SLC25A53: variants seen among roughly 807,000 people sequenced by gnomAD.
The protein encoded by SLC25A53 is solute carrier family 25 member 53, also known as mitochondrial carrier triple repeat protein 6.
SLC25A53 carries 5 observed loss-of-function variants against 15.0 expected under a neutral mutation model. That is an observed-to-expected ratio of 0.33 (90% CI 0.17 to 0.70). SLC25A53 has a LOEUF of 0.70. SLC25A53 is among the 30% of genes least tolerant of loss of function. The pLI, the probability that SLC25A53 is intolerant of heterozygous loss-of-function variation, is 0.67. For missense variants in SLC25A53, 216 were observed against 241.6 expected, an observed-to-expected ratio of 0.89 and a Z score of 0.70; for synonymous variants, 95 against 100.0, an observed-to-expected ratio of 0.95 and a Z score of 0.30.
chrX:104,121,347 C>T (rs2075392224), intron 1 of SLC25A53, among the ~76,000 whole-genome samples: 1 of 112,119 alleles, frequency 8.9e-6, no homozygotes, highest in African/African-American at 3.2e-5. Context: ...ACCTTGTTTC[C>T]TTGTTTCACT....
chrX:104,126,487 C>G (rs1470376014), intron 1 of SLC25A53, among the ~76,000 whole-genome samples: 3 of 110,090 alleles, frequency 2.7e-5, no homozygotes, highest in African/African-American at 9.9e-5. Context: ...GACCCCATCT[C>G]TAAAAAAAAT....
Position 104,104,312 on chromosome X carries a change from T to G in SLC25A53, c.*22A>C. ...CAGGGAAGATTTAGAATAACAAAGCTGCCATGCCACACTTTCTGCAGCTAG... is the reference window on the plus strand; with the variant it reads ...CAGGGAAGATTTAGAATAACAAAGCGGCCATGCCACACTTTCTGCAGCTAG... On this transcript the variant is annotated 3_prime_UTR_variant, in exon 2 of 2. Coordinates refer to ENST00000594199, the MANE Select transcript of SLC25A53 (RefSeq NM_001012755.5). The G allele has an allele frequency of 8.4e-7, 1 of 1,194,318 alleles. No individual in the cohort carries two copies. The highest frequency in any genetic ancestry group is 1.1e-6 in the Non-Finnish European group (1 of 883,363).
chrX:104,142,341 G>C (rs1249368232), intron 1 of SLC25A53, among the ~76,000 whole-genome samples: 1 of 112,201 alleles, frequency 8.9e-6, no homozygotes, highest in East Asian at 2.8e-4. Context: ...ATGAGACAGA[G>C]ATGAGCAAAT....
Position 104,112,592 on chromosome X carries a change from G to C in SLC25A53, c.-31-7304C>G, listed in dbSNP as rs1268116600. On this transcript the variant is annotated intron_variant, in intron 1 of 1. Transcript: ENST00000594199. The stretch of plus-strand genomic sequence containing the variant: ...CCCGGAGGGCCGAACTGGAGGGTGG[G>C]CGCAGCCTTGGCTGCCTTGGGAACC... 6 of 113,796 alleles carry C rather than the reference G, an allele frequency of 5.3e-5. No individual in the cohort carries two copies. The Admixed American group carries it at 5.5e-4, about 10-fold the overall frequency. 9.4% of individuals were successfully genotyped at this position (113,796 alleles called of 1,213,427 possible).
At position 104,105,672 on chromosome X, in the gene SLC25A53, A is replaced by T. The variant is rs186382659; in HGVS notation, c.-31-384T>A. Among the ~76,000 whole-genome samples, 485 of 112,666 alleles carry T rather than the reference A, an allele frequency of 4.3e-3. 4 individuals are homozygous for T. The highest frequency in any genetic ancestry group is 0.012 in the African/African-American group (372 of 31,001). ...TGAATAATACATTGCTATTCTGTTTAAAAAAATCTGGCACTATCTTGTAGA... is the reference window on the plus strand; with the variant it reads ...TGAATAATACATTGCTATTCTGTTTTAAAAAATCTGGCACTATCTTGTAGA... On this transcript the variant is annotated intron_variant, in intron 1 of 1. Coordinates refer to ENST00000594199, the MANE Select transcript of SLC25A53 (RefSeq NM_001012755.5).
At chrX:104,146,255 G>C (rs782353956) in intron 1 of SLC25A53, among the ~76,000 whole-genome samples, 3 of 111,714 alleles carry the variant, frequency 2.7e-5, no homozygotes, top group Non-Finnish European at 3.8e-5. Flanking sequence ...AAATTCAACA[G>C]CCCTTCATGC....
chrX:104,138,146 C>G (rs1173449530), intron 1 of SLC25A53, among the ~76,000 whole-genome samples: 1 of 111,737 alleles, frequency 8.9e-6, no homozygotes, highest in Non-Finnish European at 1.9e-5. Context: ...TAGTGGTTCA[C>G]GCCTGTAATC....
intron 1 of SLC25A53, among the ~76,000 whole-genome samples, chrX:104,140,853 C>T (rs926503612): frequency 9.0e-6 from 1 of 111,610 alleles, no homozygotes; most frequent in Non-Finnish European, 1.9e-5. Flanking sequence ...TTTTAGAGTC[C>T]TGAAGAGACA....
At chrX:104,112,396 C>T (rs1397575862) in intron 1 of SLC25A53, 85 of 114,156 alleles carry the variant, frequency 7.4e-4, no homozygotes, top group African/African-American at 2.6e-3. Context: ...GCCGCAGCCC[C>T]CGCCCGCCGG....
At chrX:104,155,880 CTAAAAATA>C (rs1214702366) in intron 1 of SLC25A53, among the ~76,000 whole-genome samples, 5 of 109,709 alleles carry the variant, frequency 4.6e-5, no homozygotes, top group Admixed American at 2.9e-4. Context: ...CCCGTCTCTA[CTAAAAATA>C]TAAAAATATA....
chrX:104,130,111 C>T (rs782451011), intron 1 of SLC25A53, among the ~76,000 whole-genome samples: 2 of 111,071 alleles, frequency 1.8e-5, no homozygotes, highest in African/African-American at 6.6e-5. Context: ...GTTCAAGTGA[C>T]GTTTTGGTAC....
intron 1 of SLC25A53, among the ~76,000 whole-genome samples, chrX:104,124,753 CA>C (rs1335606823): frequency 4.9e-4 from 46 of 92,986 alleles, no homozygotes; most frequent in African/African-American, 1.5e-3. Context: ...GACCTTGTCT[CA>C]AAAAAAAAAT....
At chrX:104,117,809 T>C (rs1210581594) in intron 1 of SLC25A53, among the ~76,000 whole-genome samples, 2 of 112,301 alleles carry the variant, frequency 1.8e-5, no homozygotes, top group African/African-American at 6.5e-5. Context: ...TTGAATGATT[T>C]ACCTAGATAT....
intron 1 of SLC25A53, among the ~76,000 whole-genome samples, chrX:104,126,209 T>G (rs1368181975): frequency 6.3e-5 from 7 of 111,240 alleles, no homozygotes; most frequent in African/African-American, 2.0e-4. Context: ...CTTGGGAGGC[T>G]GAGGTGGGAG....
intron 1 of SLC25A53, among the ~76,000 whole-genome samples, chrX:104,126,541 G>A (rs1569462838): frequency 1.8e-5 from 2 of 110,116 alleles, no homozygotes; most frequent in South Asian, 3.9e-4. Context: ...GTGGTCCTGG[G>A]TACTCAGGAG....
At chrX:104,111,621 T>C (rs114164191) in intron 1 of SLC25A53, among the ~76,000 whole-genome samples, 2,372 of 111,109 alleles carry the variant, frequency 0.021, 52 homozygotes, top group African/African-American at 0.073. Context: ...CTCTCCCCAC[T>C]ACCTCCTCAC....
intron 1 of SLC25A53, among the ~76,000 whole-genome samples, chrX:104,150,892 A>G (rs1046767367): frequency 9.0e-6 from 1 of 111,384 alleles, no homozygotes; most frequent in Non-Finnish European, 1.9e-5. Context: ...GTTCAACCAC[A>G]GGTGTGTTCC....
At chrX:104,118,625 A>C (rs1169318049) in intron 1 of SLC25A53, among the ~76,000 whole-genome samples, 4 of 112,598 alleles carry the variant, frequency 3.6e-5, no homozygotes, top group African/African-American at 1.3e-4. Flanking sequence ...CACATATTTC[A>C]GATGATGAAA....
intron 1 of SLC25A53, chrX:104,114,488 G>C (rs2075366659): frequency 8.3e-7 from 1 of 1,209,976 alleles, no homozygotes; most frequent in Admixed American, 2.2e-5. Context: ...GAGTCTGAAA[G>C]CAGTGTGACT....
Sources: allele counts gnomAD v4.1 joint callset (sites outside exome capture counted in the v4.1 genomes callset), GRCh38; gene constraint gnomAD v4.1.1; transcripts MANE v1.5; gene names NCBI Gene and HGNC (gene_info 2026-07-23, HGNC 2026-07-21).